Variants in FHIT observed in about 807,000 individuals in gnomAD.
FHIT encodes bis(5'-adenosyl)-triphosphatase.
In FHIT, 19 loss-of-function variants were observed where a neutral mutation model predicts 17.9. The observed-to-expected ratio is 1.06, with a 90% CI of 0.74 to 1.56. The LOEUF (loss-of-function observed/expected upper bound fraction) is 1.56. Ranked by LOEUF, FHIT falls within the 40% of genes most tolerant of loss-of-function variation. The probability of loss-of-function intolerance (pLI) is 0.00; values close to 1 mark genes in which losing one functional copy is unlikely to be tolerated. For synonymous variants in FHIT, 81 were observed against 69.7 expected, an observed-to-expected ratio of 1.16 and a Z score of -0.81; for missense variants, 248 against 189.2, an observed-to-expected ratio of 1.31 and a Z score of -1.82.
intron 4 of FHIT, among the ~76,000 whole-genome samples, chr3:60,672,874 C>CTTGTGTGTGTGTGTGT (rs71092628): frequency 2.1e-5 from 3 of 139,566 alleles, no homozygotes; most frequent in Non-Finnish European, 3.1e-5. Flanking sequence ...CTCTTTGTAG[C>CTTGTGTGTGTGTGTGT]GTGTGTGTGT....
chr3:60,945,848 G>A (rs984983245), intron 3 of FHIT, among the ~76,000 whole-genome samples: 1 of 152,134 alleles, frequency 6.6e-6, no homozygotes, highest in Non-Finnish European at 1.5e-5. Context: ...GGAGAGTTGA[G>A]GTACAGGTGA....
At chr3:61,072,717 C>A (rs895833564) in intron 2 of FHIT, among the ~76,000 whole-genome samples, 1 of 151,860 alleles carries the variant, frequency 6.6e-6, no homozygotes, top group African/African-American at 2.4e-5. Context: ...ATCAGTTGAA[C>A]TAGGATTTCT....
chr3:59,932,967 G>A (rs1015948244), intron 7 of FHIT, among the ~76,000 whole-genome samples: 1 of 151,932 alleles, frequency 6.6e-6, no homozygotes, highest in Non-Finnish European at 1.5e-5. Context: ...TTTGCACCCG[G>A]CTCCCTCCTT....
intron 2 of FHIT, among the ~76,000 whole-genome samples, chr3:61,150,951 T>C (rs550419789): frequency 1.3e-5 from 2 of 152,054 alleles, no homozygotes; most frequent in South Asian, 4.1e-4. Flanking sequence ...TGGAAAGCAT[T>C]TTTTTTATAT....
chr3:60,740,275 G>C (rs782560126), intron 4 of FHIT, among the ~76,000 whole-genome samples: 1 of 152,128 alleles, frequency 6.6e-6, no homozygotes, highest in African/African-American at 2.4e-5. Context: ...GAATGAAACT[G>C]CCTGGTTTTA....
At chr3:59,991,200 G>T (rs1025847899) in intron 7 of FHIT, among the ~76,000 whole-genome samples, 1 of 152,060 alleles carries the variant, frequency 6.6e-6, no homozygotes, top group Admixed American at 6.6e-5. Context: ...ATGGATTAAT[G>T]ACATTGTATA....
intron 5 of FHIT, among the ~76,000 whole-genome samples, chr3:60,191,974 T>A (rs115970056): frequency 6.6e-6 from 1 of 151,864 alleles, no homozygotes; most frequent in Non-Finnish European, 1.5e-5. Context: ...AGGCTGGGTG[T>A]GGTGGCTCAC....
intron 8 of FHIT, among the ~76,000 whole-genome samples, chr3:59,898,438 ATGTTTGTGTGTG>A (rs1252550696): frequency 1.5e-5 from 2 of 136,332 alleles, no homozygotes; most frequent in Non-Finnish European, 3.1e-5. Context: ...GTGCGTGTGT[ATGTTTGTGTGTG>A]TGTGTGTGTG....
chr3:60,122,559 C>A (rs1235771421), intron 5 of FHIT, among the ~76,000 whole-genome samples: 1 of 152,096 alleles, frequency 6.6e-6, no homozygotes, highest in African/African-American at 2.4e-5. Flanking sequence ...GGGTTTAAAC[C>A]TCTAAGAGAT....
At chr3:60,948,364 T>C (rs1553776233) in intron 3 of FHIT, among the ~76,000 whole-genome samples, 3 of 152,236 alleles carry the variant, frequency 2.0e-5, no homozygotes, top group South Asian at 2.1e-4. Context: ...TTTATGCTTC[T>C]ACTATAATGA....
At chr3:60,155,940 C>G (rs146175445) in intron 5 of FHIT, among the ~76,000 whole-genome samples, 2 of 152,198 alleles carry the variant, frequency 1.3e-5, no homozygotes, top group Non-Finnish European at 2.9e-5. Flanking sequence ...AAAAGCCACA[C>G]ACTTCTCCTT....
chr3:60,593,028 G>A (rs1368873966), intron 4 of FHIT, among the ~76,000 whole-genome samples: 1 of 152,122 alleles, frequency 6.6e-6, no homozygotes, highest in Admixed American at 6.6e-5. Flanking sequence ...GGCACAGACA[G>A]GCATAAAGAG....
At chr3:60,872,410 T>C (rs1412309304) in intron 3 of FHIT, among the ~76,000 whole-genome samples, 1 of 152,174 alleles carries the variant, frequency 6.6e-6, no homozygotes, top group Non-Finnish European at 1.5e-5. Flanking sequence ...AAAGGGTAAT[T>C]AGATATTTCA....
chr3:60,937,160 G>C (rs1051489524), intron 3 of FHIT, among the ~76,000 whole-genome samples: 4 of 152,140 alleles, frequency 2.6e-5, no homozygotes, highest in African/African-American at 4.8e-5. Flanking sequence ...TCTCTCATCT[G>C]CTGAAAAGGG....
chr3:60,183,394 T>C (rs1702025903), intron 5 of FHIT, among the ~76,000 whole-genome samples: 1 of 152,102 alleles, frequency 6.6e-6, no homozygotes, highest in African/African-American at 2.4e-5. Context: ...TGAGACTCTG[T>C]CTCAAACAAA....
intron 7 of FHIT, among the ~76,000 whole-genome samples, chr3:59,977,174 C>A (rs1188461105): frequency 6.6e-6 from 1 of 152,134 alleles, no homozygotes; most frequent in East Asian, 1.9e-4. Flanking sequence ...ATAGATAGCA[C>A]AACTGAGTCC....
At chr3:60,182,494 CCAGTGGGCA>C (rs1701980675) in intron 5 of FHIT, among the ~76,000 whole-genome samples, 1 of 151,980 alleles carries the variant, frequency 6.6e-6, no homozygotes, top group African/African-American at 2.4e-5. Context: ...GCTCAGAGGC[CCAGTGGGCA>C]CAGTGGCTGA....
intron 5 of FHIT, among the ~76,000 whole-genome samples, chr3:60,346,854 C>T (rs988395063): frequency 6.6e-6 from 1 of 152,064 alleles, no homozygotes; most frequent in Non-Finnish European, 1.5e-5. Flanking sequence ...TGTAGCAATC[C>T]ATTTTATGGA....
intron 5 of FHIT, among the ~76,000 whole-genome samples, chr3:60,294,137 A>T (rs889154559): frequency 3.9e-5 from 6 of 152,184 alleles, no homozygotes; most frequent in African/African-American, 1.4e-4. Flanking sequence ...TTAAAAAAGC[A>T]TAGGGAGTGA....
Sources: allele counts gnomAD v4.1 joint callset (sites outside exome capture counted in the v4.1 genomes callset), GRCh38; gene constraint gnomAD v4.1.1; transcripts MANE v1.5; gene names NCBI Gene and HGNC (gene_info 2026-07-23, HGNC 2026-07-21).